Variants in EYA2 observed in about 807,000 individuals in gnomAD.
EYA2 encodes EYA transcriptional coactivator and phosphatase 2.
In EYA2, 31 loss-of-function variants were observed where a neutral mutation model predicts 69.2. The ratio of observed to expected loss-of-function variants is 0.45; its 90% confidence interval spans 0.34 to 0.60. The LOEUF (loss-of-function observed/expected upper bound fraction) is 0.60, where lower values mean the gene tolerates loss of function less well. Ranked by LOEUF, EYA2 falls within the 20% of genes least tolerant of loss-of-function variation. The probability of loss-of-function intolerance (pLI) is 0.02; values close to 1 mark genes in which losing one functional copy is unlikely to be tolerated. For synonymous variants in EYA2, 257 were observed against 279.4 expected, an observed-to-expected ratio of 0.92 and a Z score of 0.80; for missense variants, 622 against 701.2, an observed-to-expected ratio of 0.89 and a Z score of 1.28.
At chr20:47,019,547 A>C (rs1387499996) in intron 5 of EYA2, among the ~76,000 whole-genome samples, 2 of 152,154 alleles carry the variant, frequency 1.3e-5, no homozygotes, top group Non-Finnish European at 2.9e-5. Flanking sequence ...AGAATGGAAG[A>C]CATTGGTTGA....
intron 1 of EYA2, among the ~76,000 whole-genome samples, chr20:46,924,152 ATTTAAG>A (rs766502535): frequency 6.6e-5 from 10 of 152,086 alleles, no homozygotes; most frequent in Non-Finnish European, 1.3e-4. Context: ...AGGTATATTA[ATTTAAG>A]TTTATTTTTA....
intron 9 of EYA2, among the ~76,000 whole-genome samples, chr20:47,122,939 A>G (rs1198777996): frequency 2.6e-5 from 4 of 152,212 alleles, no homozygotes; most frequent in African/African-American, 9.7e-5. Flanking sequence ...CAAGAGCCAG[A>G]CTACTCAGAT....
chr20:47,100,704 C>T lies in EYA2; in HGVS notation c.888+3536C>T, dbSNP rs540494743. The stretch of plus-strand genomic sequence containing the variant: ...GTTAGAGCACCCAGATCGCCTGTGC[C>T]ATCTTCATGACTCTCCTAGAATTTT... On this transcript the variant is annotated intron_variant, in intron 9 of 15. Transcript: ENST00000327619. Among the ~76,000 whole-genome samples the T allele has an allele frequency of 5.3e-5, 8 of 152,338 alleles. No individual in the cohort carries two copies. The East Asian group carries it at 1.5e-3, about 29-fold the overall frequency.
At chr20:46,959,992 G>T (rs78632633) in intron 1 of EYA2, among the ~76,000 whole-genome samples, 2 of 152,238 alleles carry the variant, frequency 1.3e-5, no homozygotes, top group Non-Finnish European at 2.9e-5. Flanking sequence ...AGAAGGGGTT[G>T]CATGGAAACG....
chr20:46,928,673 G>A (rs1435676221), intron 1 of EYA2, among the ~76,000 whole-genome samples: 1 of 152,230 alleles, frequency 6.6e-6, no homozygotes, highest in African/African-American at 2.4e-5. Flanking sequence ...TTATTTTTCT[G>A]TGTGGTGCCT....
At chr20:47,119,010 T>C (rs1204072766) in intron 9 of EYA2, among the ~76,000 whole-genome samples, 19 of 152,196 alleles carry the variant, frequency 1.2e-4, no homozygotes, top group Non-Finnish European at 4.4e-5. Flanking sequence ...TCTGTAAATA[T>C]AGAGCTTGCT....
chr20:47,125,264 C>T (rs2033157988), intron 9 of EYA2, among the ~76,000 whole-genome samples: 1 of 151,896 alleles, frequency 6.6e-6, no homozygotes, highest in African/African-American at 2.4e-5. Context: ...ACTGTATTAG[C>T]CAGGATGGTC....
At chr20:47,106,214 G>A (rs2032575167) in intron 9 of EYA2, among the ~76,000 whole-genome samples, 1 of 152,000 alleles carries the variant, frequency 6.6e-6, no homozygotes, top group Non-Finnish European at 1.5e-5. Flanking sequence ...CTTGCCTCAG[G>A]CCCTGTGGCT....
intron 1 of EYA2, among the ~76,000 whole-genome samples, chr20:46,981,191 A>G (rs1049332715): frequency 2.6e-5 from 4 of 152,232 alleles, no homozygotes; most frequent in African/African-American, 9.6e-5. Flanking sequence ...CGTGGTTGAG[A>G]GAATTAAAAG....
chr20:47,065,031 T>C (rs1051892839), intron 5 of EYA2, among the ~76,000 whole-genome samples: 3 of 152,154 alleles, frequency 2.0e-5, no homozygotes, highest in South Asian at 2.1e-4. Flanking sequence ...TCTTACATGG[T>C]GGCAGGCAAG....
chr20:46,954,211 C>T (rs1005496693), intron 1 of EYA2, among the ~76,000 whole-genome samples: 7 of 152,076 alleles, frequency 4.6e-5, no homozygotes, highest in Non-Finnish European at 7.4e-5. Flanking sequence ...AATATTTAAG[C>T]GCCTCCTGTT....
intron 9 of EYA2, among the ~76,000 whole-genome samples, chr20:47,141,663 G>A (rs1379230221): frequency 6.6e-6 from 1 of 152,224 alleles, no homozygotes; most frequent in Non-Finnish European, 1.5e-5. Context: ...AACAGAATAT[G>A]TGTGGGCATT....
At chr20:46,941,397 T>C (rs1019281940) in intron 1 of EYA2, among the ~76,000 whole-genome samples, 1 of 152,194 alleles carries the variant, frequency 6.6e-6, no homozygotes, top group Non-Finnish European at 1.5e-5. Context: ...TCCTCAGCTG[T>C]GTGGCCTTTC....
chr20:47,076,066 G>GTATA (rs2031501683), intron 7 of EYA2, among the ~76,000 whole-genome samples: 1 of 152,218 alleles, frequency 6.6e-6, no homozygotes, highest in South Asian at 2.1e-4. Flanking sequence ...ATTCCATGGT[G>GTATA]TATATATACC....
intron 5 of EYA2, among the ~76,000 whole-genome samples, chr20:47,054,068 C>T (rs6018245): frequency 0.061 from 9,221 of 152,094 alleles, 855 homozygotes; most frequent in African/African-American, 0.2. Flanking sequence ...AATTAACTTT[C>T]TTAGAGAAGT....
chr20:47,043,831 C>G (rs1475580132), intron 5 of EYA2, among the ~76,000 whole-genome samples: 1 of 152,186 alleles, frequency 6.6e-6, no homozygotes, highest in Non-Finnish European at 1.5e-5. Flanking sequence ...TCAATAGAAG[C>G]TGACACCTTC....
At position 47,055,003 on chromosome 20, in the gene EYA2, A is replaced by G. The variant is rs565870798; in HGVS notation, c.416-17182A>G. On this transcript the variant is annotated intron_variant, in intron 5 of 15. Coordinates refer to ENST00000327619, the MANE Select transcript of EYA2 (RefSeq NM_005244.5). ...CTGTGTTCTGCAGCTGTGCTTTGAC[A>G]GACTGTGCCCTCGTGGTGGCGAAGA... 2.2e-3 allele frequency among the ~76,000 whole-genome samples: 329 copies of G among 152,256 alleles called. 1 individual carries two copies. The highest frequency in any genetic ancestry group is 7.5e-3 in the African/African-American group (312 of 41,542).
intron 4 of EYA2, among the ~76,000 whole-genome samples, chr20:47,014,101 A>G (rs1374792572): frequency 6.6e-6 from 1 of 152,184 alleles, no homozygotes. Flanking sequence ...TACTTCATTC[A>G]GAGCCTTTAT....
rs540322416 is a variant in EYA2, at chr20:47,009,068, C to T, written c.298+3984C>T. On this transcript the variant is annotated intron_variant, in intron 4 of 15. Coordinates refer to ENST00000327619, the MANE Select transcript of EYA2 (RefSeq NM_005244.5). The stretch of plus-strand genomic sequence containing the variant: ...TTATTTACACAAACAGGCAGTGGAC[C>T]AGATTTGGTCCATGACCCTGATCTA... Among the ~76,000 whole-genome samples, 4 of 152,320 alleles carry T rather than the reference C, an allele frequency of 2.6e-5. No homozygotes were observed. The South Asian group carries it at 8.3e-4, about 32-fold the overall frequency.
Sources: gnomAD v4.1 joint callset for allele counts (sites outside exome capture counted in the v4.1 genomes callset) on GRCh38, gnomAD v4.1.1 for gene constraint, MANE v1.5 for transcripts, NCBI Gene and HGNC (gene_info 2026-07-23, HGNC 2026-07-21) for gene names.